The following ITGA4 variants were observed in gnomAD, a reference collection of about 807,000 sequenced individuals.
ITGA4 encodes the protein integrin subunit alpha 4.
ITGA4 carries 63 observed loss-of-function variants against 133.6 expected under a neutral mutation model. That is an observed-to-expected ratio of 0.47 (90% CI 0.38 to 0.58). The LOEUF is 0.58. Ranked by LOEUF, ITGA4 falls within the 20% of genes least tolerant of loss-of-function variation. ITGA4 has a pLI of 0.00. For synonymous variants in ITGA4, 483 were observed against 438.0 expected (o/e 1.10, Z -1.28); for missense variants, 1,076 against 1,252.7 (o/e 0.86, Z 2.13).
intron 6 of ITGA4, 31 bp downstream of exon 6, chr2:181,480,297 C>T: frequency 8.1e-7 from 1 of 1,230,908 alleles, no homozygotes; most frequent in South Asian, 1.8e-5. Context: ...CTTAAATGAT[C>T]TGTGCCTTAC....
Position 181,523,191 on chromosome 2 carries a change from C to T in ITGA4, c.2074-246C>T. The T allele has an allele frequency of 3.4e-6, 1 of 297,114 alleles. No individual in the cohort carries two copies. The highest frequency in any genetic ancestry group is 2.1e-5 in the African/African-American group (1 of 47,114). The allele number at this position is 297,114 out of a possible 1,614,324, so 18.4% of individuals were successfully genotyped here. A position where few individuals can be genotyped will look rare whatever the true frequency, so the allele number is the denominator to read the frequency against. On this transcript the variant is annotated intron_variant, in intron 18 of 27. Transcript: ENST00000397033. This position sits in a 1 kb window ranked among gnomAD's most constrained non-coding sequence, Gnocchi z 4.2. ...ATATACACACACACATACACATACA[C>T]ATATATATACACACACATATATACA...
intron 10 of ITGA4, 126 bp from the exon 11 acceptor site, chr2:181,493,199 A>G (rs1335474660): frequency 1.6e-6 from 1 of 617,222 alleles, no homozygotes; most frequent in Non-Finnish European, 2.9e-6. Flanking sequence ...CTGTCTGAGA[A>G]GACTGTTATT....
At chr2:181,477,026 T>C (rs1251672164) in intron 4 of ITGA4, among the ~76,000 whole-genome samples, 2 of 152,138 alleles carry the variant, frequency 1.3e-5, no homozygotes, top group Non-Finnish European at 2.9e-5. Context: ...TCAGGTACTA[T>C]GCCTATTACC....
intron 2 of ITGA4, among the ~76,000 whole-genome samples, chr2:181,469,947 G>A (rs1685507054): frequency 6.6e-6 from 1 of 152,016 alleles, no homozygotes; most frequent in Admixed American, 6.6e-5. Flanking sequence ...GATAGCATTA[G>A]GAGATATACC....
At chr2:181,488,604 GC>G (rs996231509) in intron 10 of ITGA4, among the ~76,000 whole-genome samples, 1 of 151,184 alleles carries the variant, frequency 6.6e-6, no homozygotes, top group Non-Finnish European at 1.5e-5. Context: ...TGTCACCCAG[GC>G]CAGAGTGCAG....
chr2:181,526,821 C>CATTTTTT, intron 21 of ITGA4, among the ~76,000 whole-genome samples: 1 of 40,994 alleles, frequency 2.4e-5, no homozygotes, highest in Non-Finnish European at 5.5e-5. Flanking sequence ...AGCACATGGC[C>CATTTTTT]TTTTTTTTTT....
intron 17 of ITGA4, among the ~76,000 whole-genome samples, chr2:181,518,889 T>C (rs1686664222): frequency 6.6e-6 from 1 of 152,034 alleles, no homozygotes. Flanking sequence ...CTTAGGCTGG[T>C]TGTGAAAGTA....
At chr2:181,520,918 T>C (rs1310277222) in intron 17 of ITGA4, among the ~76,000 whole-genome samples, 1 of 152,164 alleles carries the variant, frequency 6.6e-6, no homozygotes, top group East Asian at 1.9e-4. Flanking sequence ...GTTCTTAAAC[T>C]CTGTCCTTAC....
Position 181,531,120 on chromosome 2 carries a change from GA to G in ITGA4, c.2664+482del, listed in dbSNP as rs35219574. ...ACAGAGCAAGACTCCATCTCAAAAA[GA>G]AAAAAAAAAATGTTATACAGTTTCA... On this transcript the variant is annotated intron_variant, in intron 24 of 27. Coordinates refer to ENST00000397033, the MANE Select transcript of ITGA4 (RefSeq NM_000885.6). Among the ~76,000 whole-genome samples, 482 of 146,414 alleles carry G rather than the reference GA, an allele frequency of 3.3e-3. 8 individuals are homozygous for G. In the East Asian group the frequency reaches 0.055, roughly 17 times the overall value.
At chr2:181,458,779 T>TA (rs5836789) in intron 2 of ITGA4, 248 of 150,392 alleles carry the variant, frequency 1.6e-3, no homozygotes, top group South Asian at 3.6e-3. Flanking sequence ...CCTAAAGGCC[T>TA]AAAAAAAAAA....
rs1687227795 is a variant in ITGA4 at position 181,537,727 on chromosome 2, A to G, written c.*2200A>G. On this transcript the variant is annotated 3_prime_UTR_variant, in exon 28 of 28. Transcript: ENST00000397033. Reference sequence around the variant, plus strand: ...GTTGCAAAGTTTTTTTGTGTGTCCAATAAACACATTGTAAAAAAAAGAATT... The same window carrying G: ...GTTGCAAAGTTTTTTTGTGTGTCCAGTAAACACATTGTAAAAAAAAGAATT... 2.3e-6 allele frequency: 1 copy of G among 439,918 alleles called. No individual in the cohort carries two copies. Among genetic ancestry groups the G allele is most frequent in the Admixed American group, 2.4e-5 (1 of 40,934 alleles). The allele number at this position is 439,918 out of a possible 1,614,324, so 27.3% of individuals were successfully genotyped here.
intron 2 of ITGA4, among the ~76,000 whole-genome samples, chr2:181,461,500 G>A (rs1685277430): frequency 1.3e-5 from 2 of 151,576 alleles, no homozygotes; most frequent in Admixed American, 6.6e-5. Flanking sequence ...TTTCCACCCG[G>A]GCACTCTGCA....
intron 15 of ITGA4, among the ~76,000 whole-genome samples, chr2:181,500,365 G>T (rs1686242602): frequency 6.6e-6 from 1 of 152,096 alleles, no homozygotes; most frequent in African/African-American, 2.4e-5. Context: ...TACTTAAGAA[G>T]GTATAGGAAT....
At chr2:181,526,279 G>A (rs761816523) in intron 21 of ITGA4, among the ~76,000 whole-genome samples, 1 of 152,096 alleles carries the variant, frequency 6.6e-6, no homozygotes, top group Non-Finnish European at 1.5e-5. Context: ...CTATTTTTCT[G>A]TTATTCACAT....
intron 20 of ITGA4, among the ~76,000 whole-genome samples, chr2:181,524,922 TAAAA>T (rs1686801413): frequency 6.6e-6 from 1 of 151,278 alleles, no homozygotes; most frequent in Non-Finnish European, 1.5e-5. Context: ...ACATAAATGT[TAAAA>T]AATCTTTTAA....
intron 20 of ITGA4, among the ~76,000 whole-genome samples, chr2:181,524,971 AAT>A (rs1491280552): frequency 9.9e-5 from 15 of 151,636 alleles, no homozygotes; most frequent in African/African-American, 3.4e-4. Context: ...AAAAAAAAAA[AAT>A]TCCTCTATCT....
chr2:181,525,359 A>G, intron 21 of ITGA4, 68 bp downstream of exon 21: 3 of 805,920 alleles, frequency 3.7e-6, no homozygotes, highest in Non-Finnish European at 6.1e-6. Context: ...TCTTACATTA[A>G]TGAAAAAACT....
At chr2:181,481,858 C>CA (rs367595858) in intron 7 of ITGA4, among the ~76,000 whole-genome samples, 175 bp downstream of exon 7, 141 of 152,066 alleles carry the variant, frequency 9.3e-4, no homozygotes, top group Middle Eastern at 3.4e-3. Context: ...AGAAATTTAG[C>CA]AAAAAACTTT....
intron 4 of ITGA4, among the ~76,000 whole-genome samples, chr2:181,477,980 T>G (rs990439482): frequency 6.6e-6 from 1 of 152,064 alleles, no homozygotes; most frequent in Non-Finnish European, 1.5e-5. Flanking sequence ...GATAAGGAAT[T>G]GTGTGAGGTG....
Sources: allele counts gnomAD v4.1 joint callset (sites outside exome capture counted in the v4.1 genomes callset), GRCh38; gene constraint gnomAD v4.1.1; non-coding constraint Gnocchi (gnomAD v3.1); transcripts MANE v1.5; gene names NCBI Gene and HGNC (gene_info 2026-07-23, HGNC 2026-07-21).